The following UNC79 variants were observed in gnomAD, a reference collection of about 807,000 sequenced individuals.
The protein encoded by UNC79 is protein unc-79 homolog.
UNC79 carries 37 observed loss-of-function variants against 283.1 expected under a neutral mutation model. The observed-to-expected ratio is 0.13, with a 90% confidence interval of 0.10 to 0.17. The LOEUF (loss-of-function observed/expected upper bound fraction) is 0.17. Among genes scored for constraint, UNC79 ranks in the 10% least tolerant of loss-of-function variants. The pLI is 1.00. For missense variants in UNC79, 2,272 were observed against 3,211.1 expected, an observed-to-expected ratio of 0.71 and a Z score of 7.07; for synonymous variants, 1,107 against 1,200.2, an observed-to-expected ratio of 0.92 and a Z score of 1.61.
At position 93,690,011 on chromosome 14, in the gene UNC79, G is replaced by A; in HGVS notation, c.7086-106G>A. 7.9e-7 allele frequency: 1 copy of A among 1,265,750 alleles called. No individual in the cohort carries two copies. The allele number at this position is 1,265,750 out of a possible 1,614,324, so 78.4% of individuals were successfully genotyped here. The stretch of plus-strand genomic sequence containing the variant: ...CCTTGGCGTTTTGTTTTATGTGATT[G>A]CCTGCAAGACCACACTTTCAATCCC... On this transcript the variant is annotated intron_variant, in intron 44 of 48. Coordinates refer to ENST00000555664, the Ensembl canonical transcript of UNC79. The surrounding 1 kb of genome is among the most constrained non-coding windows in gnomAD (Gnocchi z 4.3).
intron 12 of UNC79, 152 bp from the exon 13 acceptor site, chr14:93,540,508 C>G (rs1432922089): frequency 6.7e-6 from 5 of 750,024 alleles, no homozygotes; most frequent in Non-Finnish European, 1.0e-5. Context: ...ACTCAGGATG[C>G]ACAGTACTCA....
intron 1 of UNC79, among the ~76,000 whole-genome samples, chr14:93,383,256 A>G (rs1212218972): frequency 6.6e-6 from 1 of 152,142 alleles, no homozygotes; most frequent in African/African-American, 2.4e-5. Context: ...TGTAGTTTTC[A>G]TTTTCTTTCT....
At chr14:93,346,682 A>G (rs1360452342) in intron 1 of UNC79, among the ~76,000 whole-genome samples, 1 of 152,204 alleles carries the variant, frequency 6.6e-6, no homozygotes, top group Non-Finnish European at 1.5e-5. Flanking sequence ...ACAGTGTGCT[A>G]TAAACTCTGC....
chr14:93,565,675 A>C (rs200334983), intron 14 of UNC79, among the ~76,000 whole-genome samples: 1 of 24,776 alleles, frequency 4.0e-5, no homozygotes, highest in African/African-American at 1.3e-4. Context: ...TTTAACAGCA[A>C]ACTAACAGTC....
chr14:93,580,035 G>A, intron 18 of UNC79, 114 bp from the exon 19 acceptor site: 1 of 906,868 alleles, frequency 1.1e-6, no homozygotes, highest in South Asian at 1.8e-5. Flanking sequence ...GTCAGTTAGT[G>A]AAAATCATCC....
chr14:93,680,195 G>A (rs1463899846), intron 41 of UNC79, among the ~76,000 whole-genome samples: 1 of 152,210 alleles, frequency 6.6e-6, no homozygotes, highest in Admixed American at 6.5e-5. Flanking sequence ...GACGCTGTGT[G>A]ATTGCTAACC....
intron 1 of UNC79, among the ~76,000 whole-genome samples, chr14:93,443,700 G>A (rs1218392668): frequency 2.0e-5 from 3 of 152,332 alleles, no homozygotes; most frequent in African/African-American, 7.2e-5. Context: ...TGGGATTACA[G>A]GCATGAGCCA....
chr14:93,570,529 A>G (rs1415573703), intron 14 of UNC79, among the ~76,000 whole-genome samples: 1 of 152,222 alleles, frequency 6.6e-6, no homozygotes, highest in Non-Finnish European at 1.5e-5. Flanking sequence ...CTGGACTATC[A>G]GCCTTCCCCT....
intron 40 of UNC79, among the ~76,000 whole-genome samples, chr14:93,665,609 A>T (rs145280367): frequency 6.6e-6 from 1 of 152,166 alleles, no homozygotes; most frequent in African/African-American, 2.4e-5. Flanking sequence ...ATAACTTGTC[A>T]AAACAGTCAA....
At chr14:93,653,895 T>C in intron 36 of UNC79, 41 bp downstream of exon 39, 1 of 1,614,066 alleles carries the variant, frequency 6.2e-7, no homozygotes, top group Non-Finnish European at 8.5e-7. Context: ...CAAATTTGCC[T>C]CATCCCAGAC....
chr14:93,395,224 G>A (rs935175090), intron 1 of UNC79, among the ~76,000 whole-genome samples: 2 of 151,988 alleles, frequency 1.3e-5, no homozygotes, highest in Non-Finnish European at 2.9e-5. Context: ...TTAGGTTTTT[G>A]TTTATCTGGA....
intron 12 of UNC79, among the ~76,000 whole-genome samples, chr14:93,539,636 A>G (rs2061280860): frequency 6.6e-6 from 1 of 152,196 alleles, no homozygotes; most frequent in Admixed American, 6.5e-5. Context: ...AAATACAATT[A>G]ATGTTTGTCA....
At chr14:93,579,002 A>G (rs1302498820) in intron 18 of UNC79, among the ~76,000 whole-genome samples, 1 of 152,002 alleles carries the variant, frequency 6.6e-6, no homozygotes, top group Non-Finnish European at 1.5e-5. Flanking sequence ...GGTACCTCGT[A>G]GGTGTCTATA....
intron 1 of UNC79, among the ~76,000 whole-genome samples, chr14:93,433,543 A>G (rs2055962519): frequency 6.6e-6 from 1 of 152,290 alleles, no homozygotes; most frequent in South Asian, 2.1e-4. Flanking sequence ...AGGAAAGGTC[A>G]GGGAATTTTT....
In UNC79 at chr14:93,679,425, C is replaced by T. The variant is rs151170657; in HGVS notation, c.6742-3192C>T. Among the ~76,000 whole-genome samples, 805 of 151,904 alleles carry T rather than the reference C, an allele frequency of 5.3e-3. 10 individuals are homozygous for T. Among genetic ancestry groups the T allele is most frequent in the African/African-American group, 0.018 (761 of 41,504 alleles). ...AGTGAGCCGAGATCGCGCGACTGCA[C>T]TCCAGCCTGGCAACAGAGCGAGATT... On this transcript the variant is annotated intron_variant, in intron 41 of 48. Coordinates refer to ENST00000555664, the Ensembl canonical transcript of UNC79.
chr14:93,512,853 A>T (rs2059891116), intron 7 of UNC79, among the ~76,000 whole-genome samples: 1 of 152,080 alleles, frequency 6.6e-6, no homozygotes, highest in South Asian at 2.1e-4. Flanking sequence ...AAATGAGTCT[A>T]GGTCATTTGC....
At chr14:93,596,560 G>A (rs974528047) in intron 23 of UNC79, among the ~76,000 whole-genome samples, 7 of 152,184 alleles carry the variant, frequency 4.6e-5, no homozygotes, top group Non-Finnish European at 1.0e-4. Context: ...ACTTGAACCC[G>A]GGAGATGGAG....
intron 1 of UNC79, among the ~76,000 whole-genome samples, chr14:93,351,137 C>CT (rs1392453739): frequency 6.6e-6 from 1 of 152,180 alleles, no homozygotes; most frequent in Non-Finnish European, 1.5e-5. Context: ...GAAGCAATTA[C>CT]ACTGCAGGAA....
intron 14 of UNC79, among the ~76,000 whole-genome samples, chr14:93,566,053 CT>C (rs2062857612): frequency 6.6e-6 from 1 of 152,048 alleles, no homozygotes. Context: ...GGCAAGGAGT[CT>C]TGGGGAGGCT....
Sources: allele counts gnomAD v4.1 joint callset (sites outside exome capture counted in the v4.1 genomes callset), GRCh38; gene constraint gnomAD v4.1.1; non-coding constraint Gnocchi (gnomAD v3.1); transcripts MANE v1.5; gene names NCBI Gene and HGNC (gene_info 2026-07-23, HGNC 2026-07-21).